The following KPNA7 variants were observed in gnomAD, a reference collection of about 807,000 sequenced individuals.
KPNA7 encodes the protein importin subunit alpha-8.
KPNA7 carries 54 observed loss-of-function variants against 53.7 expected under a neutral mutation model. The ratio of observed to expected loss-of-function variants is 1.01; its 90% CI spans 0.81 to 1.26. The LOEUF (loss-of-function observed/expected upper bound fraction) is 1.26, where lower values mean the gene tolerates loss of function less well. Ranked by LOEUF, KPNA7 falls within the 50% of genes most tolerant of loss-of-function variation. The pLI is 0.00. For synonymous variants in KPNA7, 276 were observed against 259.3 expected (o/e 1.06, Z -0.62); for missense variants, 640 against 644.5 (o/e 0.99, Z 0.07).
intron 1 of KPNA7, among the ~76,000 whole-genome samples, chr7:99,216,139 A>C (rs1791214390): frequency 6.6e-6 from 1 of 152,008 alleles, no homozygotes; most frequent in African/African-American, 2.4e-5. Flanking sequence ...ATGACCTCTC[A>C]CCTCAGCCTC....
the KPNA7 span, among the ~76,000 whole-genome samples, chr7:99,160,028 T>G: frequency 8.9e-4 from 40 of 45,032 alleles, 1 homozygote; most frequent in Non-Finnish European, 2.2e-3. Context: ...TTTTTTTTTT[T>G]TTTTTTTTTT....
At chr7:99,168,760 G>T (rs1313440976), downstream of KPNA7, among the ~76,000 whole-genome samples, 1 of 152,182 alleles carries the variant, frequency 6.6e-6, no homozygotes, top group Non-Finnish European at 1.5e-5. Context: ...GGTCTCCTGA[G>T]TAGCTGGGAC....
Position 99,182,000 on chromosome 7 carries a change from C to T in KPNA7, c.1200G>A (p.Met400Ile), listed in dbSNP as rs1169126764. The change falls in exon 9 of 11, where the codon ATG becomes ATA. Residue 400 changes from methionine to isoleucine, a missense_variant. By Grantham distance (10) the Met-to-Ile change is conservative. Transcript: ENST00000327442. Reference protein sequence around the residue: ...MVANFATGATMDQLIQLVHSG... With the variant: ...MVANFATGATIDQLIQLVHSG... ...AGTGGACGAGCTGGATCAGCTGATC[C>T]ATGGTGGCCCCTGTTGCAAAGTTCG... is the stretch of plus-strand genomic sequence containing the variant. The T allele has an allele frequency of 3.9e-6, 6 of 1,550,336 alleles. No homozygotes were observed. The African/African-American group carries it at 4.1e-5, about 11-fold the overall frequency.
intron 9 of KPNA7, among the ~76,000 whole-genome samples, 194 bp from the exon 10 acceptor site, chr7:99,178,260 G>T (rs980140383): frequency 2.0e-5 from 3 of 152,054 alleles, no homozygotes; most frequent in African/African-American, 4.8e-5. Flanking sequence ...AGGTATCCAC[G>T]ATATATAGAC....
At chr7:99,208,467 A>G (rs1284210074), upstream of KPNA7, among the ~76,000 whole-genome samples, 1 of 152,130 alleles carries the variant, frequency 6.6e-6, no homozygotes, top group East Asian at 1.9e-4. Context: ...CGTGTTAGCC[A>G]GGATGGTCTC....
At chr7:99,217,619 C>CTTTTTTTTTTTT (rs10616354) in intron 1 of KPNA7, among the ~76,000 whole-genome samples, 1 of 39,824 alleles carries the variant, frequency 2.5e-5, no homozygotes, top group African/African-American at 1.1e-4. Flanking sequence ...TCCACCTTGC[C>CTTTTTTTTTTTT]TTTTTTTTTT....
the KPNA7 span, among the ~76,000 whole-genome samples, chr7:99,146,098 G>C: frequency 6.6e-6 from 1 of 152,128 alleles, no homozygotes; most frequent in Non-Finnish European, 1.5e-5. Context: ...AATCCCGTTA[G>C]TATTTCCCCC....
chr7:99,205,403 T>C, intron 2 of KPNA7, among the ~76,000 whole-genome samples: 2 of 90,658 alleles, frequency 2.2e-5, no homozygotes, highest in Admixed American at 1.5e-4. Flanking sequence ...AGAGCAAGAC[T>C]CCATCTCAAA....
chr7:99,159,840 C>A, the KPNA7 span, among the ~76,000 whole-genome samples: 4 of 151,988 alleles, frequency 2.6e-5, no homozygotes, highest in Non-Finnish European at 5.9e-5. Flanking sequence ...ATGAGGCCCA[C>A]TCTGGTTAGT....
chr7:99,182,578 T>G (rs1203472547), intron 8 of KPNA7, among the ~76,000 whole-genome samples: 1 of 151,954 alleles, frequency 6.6e-6, no homozygotes, highest in Admixed American at 6.6e-5. Flanking sequence ...CAAGTGATCC[T>G]CCCATCTCGG....
At chr7:99,167,430 T>G in the KPNA7 span, among the ~76,000 whole-genome samples, 1 of 152,004 alleles carries the variant, frequency 6.6e-6, no homozygotes, top group Non-Finnish European at 1.5e-5. Context: ...AGAACCCTAT[T>G]GTGAACTGTA....
rs114667878 is a variant in KPNA7 at position 99,202,063 on chromosome 7, C to A, written c.201+1043G>T. ...GATGGGGGGATTCTAGGGACTGCTC[C>A]AAACAAATGAAGCTAACTAGAGATA... On this transcript the variant is annotated intron_variant, in intron 3 of 10. Transcript: ENST00000327442. Among the ~76,000 whole-genome samples, 1,041 of 152,124 alleles carry A rather than the reference C, an allele frequency of 6.8e-3. 13 individuals carry two copies. Among genetic ancestry groups the A allele is most frequent in the African/African-American group, 0.023 (973 of 41,504 alleles).
At chr7:99,198,058 A>G (rs1790319419) in intron 3 of KPNA7, among the ~76,000 whole-genome samples, 1 of 152,188 alleles carries the variant, frequency 6.6e-6, no homozygotes, top group Non-Finnish European at 1.5e-5. Context: ...TACAGAATCA[A>G]AAACATTGAA....
chr7:99,168,578 A>G (rs1483997731), downstream of KPNA7, among the ~76,000 whole-genome samples: 4 of 152,018 alleles, frequency 2.6e-5, no homozygotes, highest in Non-Finnish European at 5.9e-5. Flanking sequence ...TGGCAGGATC[A>G]TGGCTCACAG....
At chr7:99,178,362 A>G (rs1290557530) in intron 9 of KPNA7, among the ~76,000 whole-genome samples, 1 of 152,078 alleles carries the variant, frequency 6.6e-6, no homozygotes, top group African/African-American at 2.4e-5. Flanking sequence ...TGAGGTCAGG[A>G]GTCTGAGACC....
chr7:99,208,530 A>AC (rs1324943724), upstream of KPNA7, among the ~76,000 whole-genome samples: 1 of 152,074 alleles, frequency 6.6e-6, no homozygotes, highest in East Asian at 1.9e-4. Flanking sequence ...TGCTGGGATT[A>AC]CAGGCGTGAG....
downstream of KPNA7, among the ~76,000 whole-genome samples, chr7:99,172,766 C>T (rs140709020): frequency 1.6e-4 from 25 of 152,044 alleles, no homozygotes; most frequent in Non-Finnish European, 3.4e-4. Flanking sequence ...ATCTGCAAGT[C>T]GAAGTCTGTG....
At chr7:99,205,025 G>A (rs1584315134) in intron 2 of KPNA7, among the ~76,000 whole-genome samples, 1 of 152,082 alleles carries the variant, frequency 6.6e-6, no homozygotes, top group East Asian at 1.9e-4. Context: ...GGCCCTTCCT[G>A]TTGCTGTGAA....
downstream of KPNA7, among the ~76,000 whole-genome samples, chr7:99,171,913 G>C (rs973947952): frequency 6.6e-6 from 1 of 152,192 alleles, no homozygotes; most frequent in African/African-American, 2.4e-5. Context: ...CCAGGCTGGA[G>C]CATGACAGAG....
Sources: allele counts gnomAD v4.1 joint callset (sites outside exome capture counted in the v4.1 genomes callset), GRCh38; gene constraint gnomAD v4.1.1; transcripts MANE v1.5; gene names NCBI Gene and HGNC (gene_info 2026-07-23, HGNC 2026-07-21).